CACNB2: variants seen among roughly 807,000 people sequenced by gnomAD.
The protein encoded by CACNB2 is calcium voltage-gated channel auxiliary subunit beta 2, also known as voltage-dependent L-type calcium channel subunit beta-2.
Under a neutral mutation model 73.3 loss-of-function variants are expected in CACNB2, and 42 were observed. The ratio of observed to expected loss-of-function variants is 0.57; its 90% CI spans 0.45 to 0.74. CACNB2 has a LOEUF of 0.74. Among genes scored for constraint, CACNB2 ranks in the 30% least tolerant of loss-of-function variants. The pLI is 0.00. For synonymous variants in CACNB2, 348 were observed against 310.3 expected (o/e 1.12, Z -1.28); for missense variants, 940 against 853.0 (o/e 1.10, Z -1.27).
At chr10:18,354,019 T>C (rs1174667662) in intron 2 of CACNB2, among the ~76,000 whole-genome samples, 1 of 152,212 alleles carries the variant, frequency 6.6e-6, no homozygotes, top group East Asian at 1.9e-4. Flanking sequence ...CTTTATAGTA[T>C]TTAAATGGAA....
chr10:18,503,125 G>T (rs1334888377), intron 5 of CACNB2, among the ~76,000 whole-genome samples: 1 of 151,992 alleles, frequency 6.6e-6, no homozygotes, highest in Non-Finnish European at 1.5e-5. Flanking sequence ...AACTTTTGTT[G>T]AAAATGCATT....
intron 2 of CACNB2, among the ~76,000 whole-genome samples, chr10:18,253,325 A>G (rs1227409305): frequency 6.6e-6 from 1 of 152,216 alleles, no homozygotes; most frequent in Non-Finnish European, 1.5e-5. Context: ...ACATAGCAAT[A>G]TTTATGACAA....
chr10:18,488,824 G>A (rs2049229451), intron 3 of CACNB2, among the ~76,000 whole-genome samples: 1 of 151,624 alleles, frequency 6.6e-6, no homozygotes, highest in Non-Finnish European at 1.5e-5. Context: ...CACAGGCTTT[G>A]GAGAGAGAGA....
At chr10:18,477,289 G>A (rs762854883) in intron 3 of CACNB2, among the ~76,000 whole-genome samples, 1 of 152,088 alleles carries the variant, frequency 6.6e-6, no homozygotes, top group Non-Finnish European at 1.5e-5. Context: ...GGATTTGGCC[G>A]GCTTCTTTAC....
intron 2 of CACNB2, among the ~76,000 whole-genome samples, chr10:18,230,294 T>C (rs74117923): frequency 0.047 from 7,186 of 152,266 alleles, 306 homozygotes; most frequent in African/African-American, 0.12. Flanking sequence ...ACTTTCCTTG[T>C]TGTTAGAAAA....
At chr10:18,513,381 C>T (rs1271744927) in intron 6 of CACNB2, 1 of 182,578 alleles carries the variant, frequency 5.5e-6, no homozygotes, top group Non-Finnish European at 1.1e-5. Flanking sequence ...TTGAATTCTT[C>T]AGCAACTTCT....
chr10:18,472,385 C>T (rs749601624), intron 3 of CACNB2, among the ~76,000 whole-genome samples: 13 of 151,894 alleles, frequency 8.6e-5, no homozygotes, highest in Non-Finnish European at 1.9e-4. Context: ...TACAGGTGCA[C>T]GCCACCATAC....
At chr10:18,494,784 G>C (rs1400140446) in intron 3 of CACNB2, among the ~76,000 whole-genome samples, 8 of 151,792 alleles carry the variant, frequency 5.3e-5, no homozygotes, top group Non-Finnish European at 1.2e-4. Context: ...TGTATTTCTA[G>C]TGGTAAAACT....
intron 2 of CACNB2, among the ~76,000 whole-genome samples, chr10:18,232,948 G>A (rs2036278366): frequency 1.3e-5 from 2 of 152,256 alleles, no homozygotes; most frequent in South Asian, 2.1e-4. Flanking sequence ...TTAGCCGGGT[G>A]TGGTGGCACA....
intron 2 of CACNB2, among the ~76,000 whole-genome samples, chr10:18,272,849 C>T (rs2038115201): frequency 6.6e-6 from 1 of 152,124 alleles, no homozygotes; most frequent in Non-Finnish European, 1.5e-5. Context: ...TTTTTAGCAG[C>T]ATTAGAATGG....
chr10:18,260,863 C>T, intron 2 of CACNB2: 1 of 1,084,818 alleles, frequency 9.2e-7, no homozygotes, highest in South Asian at 2.9e-5. Flanking sequence ...AAATGCAAGA[C>T]ACTCAGATGT....
intron 2 of CACNB2, among the ~76,000 whole-genome samples, chr10:18,320,369 T>C (rs759937076): frequency 2.6e-5 from 4 of 152,216 alleles, no homozygotes; most frequent in Non-Finnish European, 4.4e-5. Flanking sequence ...GTCTATGACA[T>C]AGTTAAGTAC....
rs754973444 is a variant in CACNB2 at position 18,198,225 on chromosome 10, CAAAT to C, written c.213+47251_213+47254del. On this transcript the variant is annotated intron_variant, in intron 2 of 13. Transcript: ENST00000324631. ...AGTAATATATTAACATATATTAACT[CAAAT>C]GAATTAATATTTGAGTTAATATATG... 4.0e-5 allele frequency among the ~76,000 whole-genome samples: 6 copies of C among 148,720 alleles called. No individual in the cohort carries two copies. In the East Asian group the frequency reaches 5.9e-4, roughly 15 times the overall value.
chr10:18,314,280 A>G lies in CACNB2; in HGVS notation c.214-87644A>G, dbSNP rs112372936. Reference sequence around the variant, plus strand: ...TAAGAGCTGTATAATTAATCCACCTATCAAAAAATAATCCTAATTAATATT... The same window carrying G: ...TAAGAGCTGTATAATTAATCCACCTGTCAAAAAATAATCCTAATTAATATT... On this transcript the variant is annotated intron_variant, in intron 2 of 13. Transcript: ENST00000324631. Among the ~76,000 whole-genome samples, 1,514 of 152,320 alleles carry G rather than the reference A, an allele frequency of 9.9e-3. 28 individuals are homozygous for G. Among genetic ancestry groups the G allele is most frequent in the African/African-American group, 0.035 (1,453 of 41,568 alleles).
At chr10:18,151,063 T>C in intron 2 of CACNB2, 88 bp downstream of exon 2, 1 of 847,286 alleles carries the variant, frequency 1.2e-6, no homozygotes, top group Non-Finnish European at 2.1e-6. Flanking sequence ...CCTTAAGATT[T>C]ATGTAGTATG....
At chr10:18,535,776 AAT>A (rs377091499) in intron 11 of CACNB2, among the ~76,000 whole-genome samples, 5 of 148,970 alleles carry the variant, frequency 3.4e-5, no homozygotes, top group African/African-American at 7.3e-5. Context: ...ACATCTCAAA[AAT>A]ATATATATAT....
intron 3 of CACNB2, among the ~76,000 whole-genome samples, chr10:18,469,659 A>C (rs2048080072): frequency 6.6e-6 from 1 of 152,230 alleles, no homozygotes; most frequent in Non-Finnish European, 1.5e-5. Context: ...TTACATTTGT[A>C]CAAATTGAGG....
chr10:18,255,232 A>G (rs1382569743), intron 2 of CACNB2, among the ~76,000 whole-genome samples: 5 of 151,816 alleles, frequency 3.3e-5, no homozygotes, highest in African/African-American at 7.3e-5. Context: ...CTCTAACCTC[A>G]TCTTCTCCTC....
At chr10:18,297,593 T>C (rs1371985600) in intron 2 of CACNB2, among the ~76,000 whole-genome samples, 1 of 152,116 alleles carries the variant, frequency 6.6e-6, no homozygotes, top group Non-Finnish European at 1.5e-5. Flanking sequence ...CCATAGATAA[T>C]TAAACATTTC....
Sources: gnomAD v4.1 joint callset for allele counts (sites outside exome capture counted in the v4.1 genomes callset) on GRCh38, gnomAD v4.1.1 for gene constraint, MANE v1.5 for transcripts, NCBI Gene and HGNC (gene_info 2026-07-23, HGNC 2026-07-21) for gene names.